The following CACNG8 variants were observed in gnomAD, a reference collection of about 807,000 sequenced individuals.
The protein encoded by CACNG8 is calcium voltage-gated channel auxiliary subunit gamma 8.
Under a neutral mutation model 26.9 loss-of-function variants are expected in CACNG8, and 5 were observed. The observed-to-expected ratio is 0.19, with a 90% CI of 0.10 to 0.39. The LOEUF (loss-of-function observed/expected upper bound fraction) is 0.39. Among genes scored for constraint, CACNG8 ranks in the 10% least tolerant of loss-of-function variants. CACNG8 has a pLI of 1.00. For missense variants in CACNG8, 473 were observed against 609.4 expected, an observed-to-expected ratio of 0.78 and a Z score of 2.36; for synonymous variants, 321 against 296.7, an observed-to-expected ratio of 1.08 and a Z score of -0.84.
intron 1 of CACNG8, among the ~76,000 whole-genome samples, chr19:53,972,438 T>A (rs552016750): frequency 2.1e-5 from 3 of 145,782 alleles, no homozygotes; most frequent in Non-Finnish European, 4.5e-5. Flanking sequence ...CTCTGCTCAC[T>A]GAAACCTCCA....
rs564432119 is a variant in CACNG8 at position 53,984,326 on chromosome 19, C to A, written c.*1477C>A. On this transcript the variant is annotated 3_prime_UTR_variant, in exon 4 of 4. Coordinates refer to ENST00000270458, the MANE Select transcript of CACNG8 (RefSeq NM_031895.6). ...TTTATTGTCATCAAACACCGCCATC[C>A]AGGCAGGGCAATCGGTGCTGGAACC... is the stretch of plus-strand genomic sequence containing the variant. The A allele has an allele frequency of 6.6e-6, 1 of 152,346 alleles. No individual in the cohort carries two copies. The highest frequency in any genetic ancestry group is 2.1e-4 in the South Asian group (1 of 4,830). 9.4% of individuals were successfully genotyped at this position (152,346 alleles called of 1,614,324 possible). A position where few individuals can be genotyped will look rare whatever the true frequency, so the allele number is the denominator to read the frequency against.
chr19:53,987,523 G>A lies in CACNG8; in HGVS notation c.*4674G>A, dbSNP rs888899385. 1 of 152,734 alleles carries A rather than the reference G, an allele frequency of 6.5e-6. No homozygotes were observed. Among genetic ancestry groups the A allele is most frequent in the African/African-American group, 2.4e-5 (1 of 41,444 alleles). 9.5% of individuals were successfully genotyped at this position (152,734 alleles called of 1,614,324 possible). A position where few individuals can be genotyped will look rare whatever the true frequency, so the allele number is the denominator to read the frequency against. ...CCAAGGTGGAGTTAGTGGGATGGAG[G>A]AAGTGGAAGAAGGCATGGGATTTTG... On this transcript the variant is annotated 3_prime_UTR_variant, in exon 4 of 4. Coordinates refer to ENST00000270458, the MANE Select transcript of CACNG8 (RefSeq NM_031895.6).
chr19:53,984,753 C>T lies in CACNG8; in HGVS notation c.*1904C>T, dbSNP rs1330862841. 1 of 151,930 alleles carries T rather than the reference C, an allele frequency of 6.6e-6. No homozygotes were observed. Among genetic ancestry groups the T allele is most frequent in the Admixed American group, 6.6e-5 (1 of 15,232 alleles). The allele number at this position is 151,930 out of a possible 1,614,324, so 9.4% of individuals were successfully genotyped here. A position where few individuals can be genotyped will look rare whatever the true frequency, so the allele number is the denominator to read the frequency against. Reference sequence around the variant, plus strand: ...ATCACTTGAGCCCAGGAGTTTGAGACCAGCCTGGATAACATGGCGAAACCC... The same window carrying T: ...ATCACTTGAGCCCAGGAGTTTGAGATCAGCCTGGATAACATGGCGAAACCC... On this transcript the variant is annotated 3_prime_UTR_variant, in exon 4 of 4. Coordinates refer to ENST00000270458, the MANE Select transcript of CACNG8 (RefSeq NM_031895.6).
chr19:53,970,943 AAAAG>A lies in CACNG8; in HGVS notation c.284-7199_284-7196del, dbSNP rs1196267007. On this transcript the variant is annotated intron_variant, in intron 1 of 3. Coordinates refer to ENST00000270458, the MANE Select transcript of CACNG8 (RefSeq NM_031895.6). ...CAAGACCCTATCTCAAAAAAAAAAA[AAAAG>A]AAAAGAAAAGAAAAGAAAAAAAGAA... Among the ~76,000 whole-genome samples, 32 of 150,408 alleles carry A rather than the reference AAAAG, an allele frequency of 2.1e-4. No individual in the cohort carries two copies. In the South Asian group the frequency reaches 2.3e-3, roughly 11 times the overall value.
chr19:53,981,983 C>T (rs1486479930), intron 3 of CACNG8, 97 bp from the exon 4 acceptor site: 77 of 1,325,192 alleles, frequency 5.8e-5, no homozygotes, highest in Non-Finnish European at 7.3e-5. Flanking sequence ...GGGGGTGGCG[C>T]CTGGGCCCGC....
chr19:53,974,014 A>G (rs1291081574), intron 1 of CACNG8, among the ~76,000 whole-genome samples: 3 of 152,192 alleles, frequency 2.0e-5, no homozygotes, highest in East Asian at 3.8e-4. Context: ...CATCTTCATC[A>G]TTTTTAAGTA....
intron 1 of CACNG8, among the ~76,000 whole-genome samples, chr19:53,969,031 TC>T (rs1169924692): frequency 6.6e-6 from 1 of 152,114 alleles, no homozygotes; most frequent in Non-Finnish European, 1.5e-5. Flanking sequence ...CGAGACAGAT[TC>T]TTGCTCTGTC....
chr19:53,979,859 C>T lies in CACNG8; in HGVS notation c.368-8C>T. Reference sequence around the variant, plus strand: ...CTCCCTCCTTTTCCTTTCCTTCCTCCCCCGCAGGAGTTGTCCGGGCCTCCA... The same window carrying T: ...CTCCCTCCTTTTCCTTTCCTTCCTCTCCCGCAGGAGTTGTCCGGGCCTCCA... On this transcript the variant is annotated splice_region_variant and splice_polypyrimidine_tract_variant and intron_variant, in intron 2 of 3. Transcript: ENST00000270458. 1 of 1,590,834 alleles carries T rather than the reference C, an allele frequency of 6.3e-7. No individual in the cohort carries two copies. The highest frequency in any genetic ancestry group is 8.6e-7 in the Non-Finnish European group (1 of 1,166,338).
chr19:53,972,357 TTTTC>T (rs2069307492), intron 1 of CACNG8, among the ~76,000 whole-genome samples: 1 of 114,566 alleles, frequency 8.7e-6, no homozygotes, highest in South Asian at 3.0e-4. Flanking sequence ...TCTTTTCTTC[TTTTC>T]TTTTTTTTTT....
chr19:53,982,849 G>T lies in CACNG8; in HGVS notation c.1278G>T (p.Ter426TyrextTer145). 1 of 1,315,604 alleles carries T rather than the reference G, an allele frequency of 7.6e-7. No homozygotes were observed. The highest frequency in any genetic ancestry group is 9.7e-7 in the Non-Finnish European group (1 of 1,029,936). 81.5% of individuals were successfully genotyped at this position (1,315,604 alleles called of 1,614,324 possible). The change falls in exon 4 of 4, where the codon TAG becomes TAT. Residue 426 changes from the stop codon to tyrosine (Y), a stop_lost. Coordinates refer to ENST00000270458, the MANE Select transcript of CACNG8 (RefSeq NM_031895.6). The surrounding 1 kb of genome is among the most constrained non-coding windows in gnomAD (Gnocchi z 8.4). ...TCAACAGGAAAACCACGCCTGTGTA[G>T]GGGCGCGGCGGGGGAGCCGAGGGGC... is the stretch of plus-strand genomic sequence containing the variant.
intron 1 of CACNG8, 86 bp from the exon 2 acceptor site, chr19:53,978,060 G>T: frequency 1.1e-6 from 1 of 887,250 alleles, no homozygotes; most frequent in South Asian, 1.5e-5. Context: ...GGGGTTTGGG[G>T]AAGGGAAGGG....
Position 53,982,458 on chromosome 19 carries a change from G to A in CACNG8, c.887G>A (p.Gly296Asp), listed in dbSNP as rs994704458. ...GACGCGTCTCCCGGCGGCCCCGGGGGCCCGGGCTTTGCCTCCACGGACATC... is the reference window on the plus strand; with the variant it reads ...GACGCGTCTCCCGGCGGCCCCGGGGACCCGGGCTTTGCCTCCACGGACATC... The change falls in exon 4 of 4, where the codon GGC becomes GAC. Residue 296 changes from glycine to aspartate, a missense_variant. Transcript: ENST00000270458. The surrounding 1 kb of genome is among the most constrained non-coding windows in gnomAD (Gnocchi z 8.4). 4.6e-6 allele frequency: 7 copies of A among 1,516,056 alleles called. No homozygotes were observed. Among genetic ancestry groups the A allele is most frequent in the African/African-American group, 2.9e-5 (2 of 69,866 alleles). 93.9% of individuals were successfully genotyped at this position (1,516,056 alleles called of 1,614,324 possible). A position where few individuals can be genotyped will look rare whatever the true frequency, so the allele number is the denominator to read the frequency against.
intron 1 of CACNG8, among the ~76,000 whole-genome samples, chr19:53,972,531 T>C (rs2069308913): frequency 6.6e-6 from 1 of 151,418 alleles, no homozygotes; most frequent in Non-Finnish European, 1.5e-5. Context: ...CTGGCTAATT[T>C]TTGTATTTTT....
Position 53,982,536 on chromosome 19 carries a change from T to TGGCGGGGGCC in CACNG8, c.971_980dup (p.Gly329ArgfsTer171). The TGGCGGGGGCC allele has an allele frequency of 8.0e-7, 1 of 1,243,398 alleles. No homozygotes were observed. Among genetic ancestry groups the TGGCGGGGGCC allele is most frequent in the Non-Finnish European group, 1.0e-6 (1 of 996,396 alleles). 77.0% of individuals were successfully genotyped at this position (1,243,398 alleles called of 1,614,324 possible). ...TCCAAGGGCAGCGTGGCCGCGGGGC[T>TGGCGGGGGCC]GGCGGGGGCCGGCGGCGGCGGCGGC... On this transcript the variant is annotated frameshift_variant, in exon 4 of 4. Transcript: ENST00000270458. LOFTEE classifies it high-confidence loss of function. The surrounding 1 kb of genome is among the most constrained non-coding windows in gnomAD (Gnocchi z 8.4).
chr19:53,979,353 C>G (rs2069350299), intron 2 of CACNG8, among the ~76,000 whole-genome samples: 1 of 151,510 alleles, frequency 6.6e-6, no homozygotes, highest in South Asian at 2.1e-4. Context: ...GAAGTAGATT[C>G]AGCCTGGCAG....
At chr19:53,974,380 C>T (rs904140108) in intron 1 of CACNG8, among the ~76,000 whole-genome samples, 19 of 152,064 alleles carry the variant, frequency 1.2e-4, no homozygotes, top group African/African-American at 3.1e-4. Context: ...GGGGTGTTTC[C>T]GCTTTTTGGC....
At chr19:53,972,314 TGC>T (rs2069306990) in intron 1 of CACNG8, among the ~76,000 whole-genome samples, 2 of 145,640 alleles carry the variant, frequency 1.4e-5, no homozygotes, top group African/African-American at 5.1e-5. Context: ...CTTTCTTTCT[TGC>T]TTGCTTTCTT....
In CACNG8 at chr19:53,963,376, C is replaced by T. The variant is rs774258878; in HGVS notation, c.234C>T (p.Asp78=). The change falls in exon 1 of 4, where the codon GAC becomes GAT. Residue 78 remains aspartate, a synonymous_variant. Coordinates refer to ENST00000270458, the MANE Select transcript of CACNG8 (RefSeq NM_031895.6). ...GCGGCGGCGCCTCGGAGAAGAAGGA[C>T]CCCGGCGGCCTCACGCACTCGGGCC... 25 of 1,584,706 alleles carry T rather than the reference C, an allele frequency of 1.6e-5. No individual in the cohort carries two copies. Among genetic ancestry groups the T allele is most frequent in the South Asian group, 2.2e-5 (2 of 89,610 alleles).
chr19:53,968,103 A>C (rs1160859246), intron 1 of CACNG8, among the ~76,000 whole-genome samples: 1 of 152,040 alleles, frequency 6.6e-6, no homozygotes, highest in Non-Finnish European at 1.5e-5. Flanking sequence ...AGTTGGGTGC[A>C]GTGGCTCACA....
Sources: allele counts gnomAD v4.1 joint callset (sites outside exome capture counted in the v4.1 genomes callset), GRCh38; gene constraint gnomAD v4.1.1; non-coding constraint Gnocchi (gnomAD v3.1); transcripts MANE v1.5; gene names NCBI Gene and HGNC (gene_info 2026-07-23, HGNC 2026-07-21).